Variants in DNAH7 observed in about 807,000 individuals in gnomAD.
DNAH7 encodes the protein dynein axonemal heavy chain 7.
A neutral mutation model predicts 444.6 loss-of-function variants in DNAH7; 397 were observed. That is an observed-to-expected ratio of 0.89 (90% CI 0.82 to 0.97). The LOEUF (loss-of-function observed/expected upper bound fraction) is 0.97. Ranked by LOEUF, DNAH7 falls within the 50% of genes least tolerant of loss-of-function variation. The pLI is 0.00. For missense variants in DNAH7, 4,902 were observed against 4,800.8 expected, an observed-to-expected ratio of 1.02 and a Z score of -0.62; for synonymous variants, 1,636 against 1,624.4, an observed-to-expected ratio of 1.01 and a Z score of -0.17.
At chr2:195,968,720 T>C (rs1691648117) in intron 17 of DNAH7, among the ~76,000 whole-genome samples, 1 of 152,150 alleles carries the variant, frequency 6.6e-6, no homozygotes, top group Non-Finnish European at 1.5e-5. Flanking sequence ...CCTTGTAACC[T>C]AGACTGTCTT....
chr2:195,869,209 A>AGGAAGAAGAGGGGCCAGGCTCCTCCCC (rs1175975510), intron 40 of DNAH7, among the ~76,000 whole-genome samples: 1 of 151,900 alleles, frequency 6.6e-6, no homozygotes, highest in Non-Finnish European at 1.5e-5. Flanking sequence ...GGTTCCATCC[A>AGGAAGAAGAGGGGCCAGGCTCCTCCCC]GGAAGAAGAG....
At chr2:196,001,612 C>G (rs1694039199) in intron 11 of DNAH7, 63 bp downstream of exon 11, 3 of 1,355,026 alleles carry the variant, frequency 2.2e-6, no homozygotes, top group Non-Finnish European at 2.9e-6. Flanking sequence ...TTATTTTCCT[C>G]TCTGAAATAA....
At chr2:195,772,046 C>T (rs958592462) in intron 60 of DNAH7, among the ~76,000 whole-genome samples, 156 bp from the exon 61 acceptor site, 6 of 152,172 alleles carry the variant, frequency 3.9e-5, no homozygotes, top group African/African-American at 1.4e-4. Flanking sequence ...GTGATGGTAA[C>T]AGGCAGGAGG....
intron 49 of DNAH7, among the ~76,000 whole-genome samples, chr2:195,818,874 T>G (rs189864100): frequency 3.9e-5 from 6 of 152,158 alleles, no homozygotes; most frequent in Admixed American, 3.9e-4. Context: ...CATCTATGTC[T>G]TTTTTTAATA....
rs1321325277 is a variant in DNAH7 at position 195,960,895 on chromosome 2, T to C, written c.2256A>G (p.Val752=). The part of the protein sequence containing the change: ...EEEAFGWLPS[V]YPQRKKIQDG... Reference sequence around the variant, plus strand: ...CTTGGATTTTTTTACGTTGAGGATATACAGATGGTAGCCAACCAAATGCTT... The same window carrying C: ...CTTGGATTTTTTTACGTTGAGGATACACAGATGGTAGCCAACCAAATGCTT... The change falls in exon 18 of 65, where the codon GTA becomes GTG. Residue 752 remains valine, a synonymous_variant. Transcript: ENST00000312428. 2.5e-6 allele frequency: 4 copies of C among 1,611,974 alleles called. No individual in the cohort carries two copies. The highest frequency in any genetic ancestry group is 3.4e-6 in the Non-Finnish European group (4 of 1,178,738).
At chr2:196,016,635 C>A (rs1695037542) in intron 9 of DNAH7, among the ~76,000 whole-genome samples, 1 of 152,220 alleles carries the variant, frequency 6.6e-6, no homozygotes, top group Non-Finnish European at 1.5e-5. Context: ...GTTAGAAACC[C>A]TGTATAATCT....
At chr2:195,906,883 T>A in intron 26 of DNAH7, 24 bp downstream of exon 26, 1 of 1,611,014 alleles carries the variant, frequency 6.2e-7, no homozygotes, top group South Asian at 1.1e-5. Flanking sequence ...TTTCACATAA[T>A]GCAAAGACAA....
intron 5 of DNAH7, among the ~76,000 whole-genome samples, chr2:196,045,953 G>C (rs1029727356): frequency 6.6e-6 from 1 of 151,868 alleles, no homozygotes; most frequent in Non-Finnish European, 1.5e-5. Flanking sequence ...TTAAAGCACA[G>C]AACTCTAAGA....
At chr2:195,914,627 T>C (rs1687559067) in intron 24 of DNAH7, among the ~76,000 whole-genome samples, 1 of 152,234 alleles carries the variant, frequency 6.6e-6, no homozygotes, top group Non-Finnish European at 1.5e-5. Context: ...CATTAAGCAC[T>C]ATCCTCTATC....
chr2:195,825,221 G>A (rs1017482139), intron 48 of DNAH7: 2 of 151,400 alleles, frequency 1.3e-5, no homozygotes, highest in African/African-American at 4.9e-5. Flanking sequence ...TCAAGCTACT[G>A]CCCTCCAGCT....
At chr2:195,886,371 T>A in intron 33 of DNAH7, 99 bp from the exon 34 acceptor site, 1 of 1,123,958 alleles carries the variant, frequency 8.9e-7, no homozygotes, top group Non-Finnish European at 1.2e-6. Context: ...TTTTAACAGG[T>A]AGTAATAATT....
At chr2:196,028,151 G>A in intron 5 of DNAH7, 104 bp from the exon 6 acceptor site, 2 of 902,466 alleles carry the variant, frequency 2.2e-6, no homozygotes, top group Admixed American at 2.6e-5. Context: ...AAATCATAAG[G>A]AAAAATGAAT....
At chr2:196,052,664 C>A (rs1697549019) in intron 2 of DNAH7, among the ~76,000 whole-genome samples, 1 of 152,076 alleles carries the variant, frequency 6.6e-6, no homozygotes, top group South Asian at 2.1e-4. Context: ...GCACACAGTC[C>A]AGTTAATATT....
At chr2:196,050,220 T>C (rs1262555332) in intron 3 of DNAH7, among the ~76,000 whole-genome samples, 1 of 152,182 alleles carries the variant, frequency 6.6e-6, no homozygotes, top group Non-Finnish European at 1.5e-5. Flanking sequence ...AGACATTATG[T>C]TAAGTGAAAT....
chr2:195,744,565 G>T (rs536705656), intron 63 of DNAH7, among the ~76,000 whole-genome samples: 3 of 152,358 alleles, frequency 2.0e-5, no homozygotes, highest in African/African-American at 7.2e-5. Flanking sequence ...GTGGGTCCCT[G>T]ACCCCTCACC....
At position 195,789,090 on chromosome 2, in the gene DNAH7, G is replaced by A. The variant is rs552343970; in HGVS notation, c.10717-1919C>T. On this transcript the variant is annotated intron_variant, in intron 57 of 64. Coordinates refer to ENST00000312428, the MANE Select transcript of DNAH7 (RefSeq NM_018897.3). ...ATGGCTGATTCCAGGGCTGGGGCAA[G>A]ATAGGTACACCATGAGCCTGGAACA... Among the ~76,000 whole-genome samples the A allele has an allele frequency of 7.1e-4, 108 of 152,212 alleles. 1 individual carries two copies. Among genetic ancestry groups the A allele is most frequent in the Middle Eastern group, 3.4e-3 (1 of 292 alleles).
chr2:196,058,206 G>T, intron 1 of DNAH7, 90 bp from the exon 2 acceptor site: 1 of 901,456 alleles, frequency 1.1e-6, no homozygotes, highest in Non-Finnish European at 1.6e-6. Flanking sequence ...TTTATTGTAA[G>T]CATACATCAT....
At position 195,799,406 on chromosome 2, in the gene DNAH7, A is replaced by AG; in HGVS notation, c.10242dup (p.Phe3415LeufsTer2). ...TCTCCAAATGCCTTGGCTAAATCAA[A>AG]GGGGGGTGGTTCAATGAATGCACGT... is the stretch of plus-strand genomic sequence containing the variant. On this transcript the variant is annotated frameshift_variant, in exon 55 of 65. Coordinates refer to ENST00000312428, the MANE Select transcript of DNAH7 (RefSeq NM_018897.3). LOFTEE classifies it high-confidence loss of function. 1.2e-6 allele frequency: 2 copies of AG among 1,611,156 alleles called. No homozygotes were observed. The highest frequency in any genetic ancestry group is 1.7e-6 in the Non-Finnish European group (2 of 1,178,630).
rs368819210 is a variant in DNAH7, at chr2:196,047,388, C to T, written c.362G>A (p.Arg121Gln). The change falls in exon 5 of 65, where the codon CGA becomes CAA. Residue 121 changes from arginine to glutamine, a missense_variant. By Grantham distance (43) the Arg-to-Gln change is conservative (BLOSUM62 1). Coordinates refer to ENST00000312428, the MANE Select transcript of DNAH7 (RefSeq NM_018897.3). The stretch of plus-strand genomic sequence containing the variant: ...AACAAGAGTACTTCTAAAGTTTTCT[C>T]GTTCTTTATGTGGAGATTTGCCCTT... ...KSKGKSPHKE[R>Q]ENFRSTLVNV... The T allele has an allele frequency of 7.5e-5, 120 of 1,597,732 alleles. No individual in the cohort carries two copies. Among genetic ancestry groups the T allele is most frequent in the Middle Eastern group, 3.3e-4 (2 of 6,002 alleles).
Sources: gnomAD v4.1 joint callset for allele counts (sites outside exome capture counted in the v4.1 genomes callset) on GRCh38, gnomAD v4.1.1 for gene constraint, MANE v1.5 for transcripts, NCBI Gene and HGNC (gene_info 2026-07-23, HGNC 2026-07-21) for gene names.